NTRK2: variants seen among roughly 807,000 people sequenced by gnomAD.
NTRK2 encodes the protein BDNF/NT-3 growth factors receptor.
In NTRK2, 13 loss-of-function variants were observed where a neutral mutation model predicts 94.5. That is an observed-to-expected ratio of 0.14 (90% CI 0.09 to 0.22). The LOEUF is 0.22. NTRK2 is among the 10% of genes least tolerant of loss of function. NTRK2 has a pLI of 1.00. For synonymous variants in NTRK2, 372 were observed against 407.4 expected (o/e 0.91, Z 1.05); for missense variants, 639 against 1,071.2 (o/e 0.60, Z 5.63).
intron 13 of NTRK2, among the ~76,000 whole-genome samples, chr9:84,861,767 A>C (rs998415458): frequency 6.6e-6 from 1 of 152,170 alleles, no homozygotes; most frequent in African/African-American, 2.4e-5. Flanking sequence ...GAAGGCATGA[A>C]AAGACGGCAT....
intron 12 of NTRK2, among the ~76,000 whole-genome samples, chr9:84,761,783 A>G (rs1037809901): frequency 6.6e-6 from 1 of 152,154 alleles, no homozygotes; most frequent in African/African-American, 2.4e-5. Flanking sequence ...TTATCAATAG[A>G]AGGTATTTTC....
intron 14 of NTRK2, among the ~76,000 whole-genome samples, chr9:84,869,984 CG>C (rs2075767227): frequency 6.6e-6 from 1 of 150,918 alleles, no homozygotes; most frequent in Non-Finnish European, 1.5e-5. Flanking sequence ...TAATTGTAGT[CG>C]TGCAGAAATT....
At chr9:84,719,195 TA>T (rs1388635220) in intron 6 of NTRK2, among the ~76,000 whole-genome samples, 6 of 152,186 alleles carry the variant, frequency 3.9e-5, no homozygotes, top group Admixed American at 3.9e-4. Flanking sequence ...GTTCAAATTC[TA>T]GGTCTATATG....
intron 9 of NTRK2, among the ~76,000 whole-genome samples, chr9:84,731,015 G>A (rs2062853191): frequency 6.6e-6 from 1 of 151,888 alleles, no homozygotes; most frequent in African/African-American, 2.4e-5. Flanking sequence ...TATATTGGAA[G>A]TTTCCCGGCT....
intron 12 of NTRK2, among the ~76,000 whole-genome samples, chr9:84,766,905 C>T (rs6420253): frequency 0.66 from 99,991 of 151,968 alleles, 33,332 homozygotes; most frequent in South Asian, 0.71. Context: ...CACATGTATT[C>T]AATATACAGA....
intron 2 of NTRK2, among the ~76,000 whole-genome samples, chr9:84,678,891 A>G (rs1000370573): frequency 8.5e-5 from 13 of 152,222 alleles, no homozygotes; most frequent in Admixed American, 7.9e-4. Flanking sequence ...GTCTGGTGCT[A>G]TGGCTTGAAT....
rs1171809340 is a variant in NTRK2, at chr9:84,945,508, C to A, written c.1765-2954C>A. On this transcript the variant is annotated intron_variant, in intron 15 of 18. Coordinates refer to ENST00000277120, the MANE Select transcript of NTRK2 (RefSeq NM_006180.6). Reference sequence around the variant, plus strand: ...CCATCTCTTCTATCTCCTCCATCTCCTCCATACCCTCCATACCTCATCTGC... The same window carrying A: ...CCATCTCTTCTATCTCCTCCATCTCATCCATACCCTCCATACCTCATCTGC... 2.0e-5 allele frequency among the ~76,000 whole-genome samples: 3 copies of A among 152,302 alleles called. No homozygotes were observed. In the East Asian group the frequency reaches 5.8e-4, roughly 29 times the overall value.
chr9:84,778,093 C>T (rs1394697734), intron 12 of NTRK2, among the ~76,000 whole-genome samples: 1 of 152,078 alleles, frequency 6.6e-6, no homozygotes, highest in Non-Finnish European at 1.5e-5. Context: ...AAAGCGCTGT[C>T]CCTACAAAAA....
At chr9:84,995,329 T>A (rs917654268) in intron 17 of NTRK2, among the ~76,000 whole-genome samples, 2 of 152,154 alleles carry the variant, frequency 1.3e-5, no homozygotes, top group African/African-American at 4.8e-5. Flanking sequence ...TTGGTAGAAT[T>A]TAAGGGAAAA....
At chr9:84,894,830 C>T (rs1394641151) in intron 14 of NTRK2, among the ~76,000 whole-genome samples, 1 of 152,154 alleles carries the variant, frequency 6.6e-6, no homozygotes, top group Non-Finnish European at 1.5e-5. Context: ...ATTCATAAGC[C>T]TTTTCCTCTA....
chr9:84,875,215 C>G, intron 14 of NTRK2: 1 of 1,058,142 alleles, frequency 9.5e-7, no homozygotes, highest in South Asian at 4.6e-5. Context: ...TAATGGCTCA[C>G]TTTGGGGAGA....
intron 12 of NTRK2, among the ~76,000 whole-genome samples, chr9:84,822,056 G>A (rs2072882789): frequency 6.6e-6 from 1 of 152,110 alleles, no homozygotes. Context: ...AGTCCTCTAA[G>A]GGATGATACA....
At chr9:84,769,866 G>GA (rs2066368953) in intron 12 of NTRK2, among the ~76,000 whole-genome samples, 1 of 152,122 alleles carries the variant, frequency 6.6e-6, no homozygotes, top group Admixed American at 6.5e-5. Context: ...TCACCAAAGG[G>GA]AAAAATGACT....
At chr9:85,020,889 C>T (rs1422794271) in intron 18 of NTRK2, among the ~76,000 whole-genome samples, 3 of 152,138 alleles carry the variant, frequency 2.0e-5, no homozygotes, top group Non-Finnish European at 2.9e-5. Flanking sequence ...TTCCTTTATC[C>T]AATAGCCTGA....
chr9:84,700,649 C>G (rs777340516), intron 2 of NTRK2, among the ~76,000 whole-genome samples: 7 of 152,114 alleles, frequency 4.6e-5, no homozygotes, highest in Non-Finnish European at 1.0e-4. Flanking sequence ...GGTGCCCAAA[C>G]CCTTACTATA....
At chr9:84,893,687 G>C (rs1428291735) in intron 14 of NTRK2, among the ~76,000 whole-genome samples, 2 of 152,158 alleles carry the variant, frequency 1.3e-5, no homozygotes, top group Non-Finnish European at 2.9e-5. Flanking sequence ...ATTGTTCCAT[G>C]AGACAAAGGA....
intron 14 of NTRK2, among the ~76,000 whole-genome samples, chr9:84,920,122 G>A (rs1037816802): frequency 6.6e-6 from 1 of 152,184 alleles, no homozygotes; most frequent in Admixed American, 6.5e-5. Context: ...TTCTTGTACA[G>A]CAAGGGTGGC....
rs2117949637 is a variant in NTRK2 at position 85,020,377 on chromosome 9, T to G, written c.2331+13T>G. On this transcript the variant is annotated intron_variant, in intron 18 of 18. Coordinates refer to ENST00000277120, the MANE Select transcript of NTRK2 (RefSeq NM_006180.6). The stretch of plus-strand genomic sequence containing the variant: ...GTCAAACAATGAGGTGTGCAATGGG[T>G]CTGGCCAAGACCCTCCAGAGGGCTG... 6.2e-7 allele frequency: 1 copy of G among 1,614,036 alleles called. No individual in the cohort carries two copies. Among genetic ancestry groups the G allele is most frequent in the Non-Finnish European group, 8.5e-7 (1 of 1,179,968 alleles).
chr9:84,699,773 T>C (rs941383829), intron 2 of NTRK2, among the ~76,000 whole-genome samples: 1 of 152,170 alleles, frequency 6.6e-6, no homozygotes. Flanking sequence ...TTTTTCTTTT[T>C]TTTCCCACAT....
Sources: gnomAD v4.1 joint callset for allele counts (sites outside exome capture counted in the v4.1 genomes callset) on GRCh38, gnomAD v4.1.1 for gene constraint, MANE v1.5 for transcripts, NCBI Gene and HGNC (gene_info 2026-07-23, HGNC 2026-07-21) for gene names.